Variants in PDE4C observed in about 807,000 individuals in gnomAD.
PDE4C encodes the protein phosphodiesterase 4C.
In PDE4C, 50 loss-of-function variants were observed where a neutral mutation model predicts 63.9. The observed-to-expected ratio is 0.78, with a 90% CI of 0.62 to 0.99. The LOEUF (loss-of-function observed/expected upper bound fraction) is 0.99. Among genes scored for constraint, PDE4C ranks in the 50% least tolerant of loss-of-function variants. The pLI, the probability that PDE4C is intolerant of heterozygous loss-of-function variation, is 0.00. For missense variants in PDE4C, 777 were observed against 899.1 expected (o/e 0.86, Z 1.74); for synonymous variants, 377 against 385.1 (o/e 0.98, Z 0.25).
In PDE4C at chr19:18,213,348, G is replaced by C; in HGVS notation, c.1512+20C>G. 1.2e-6 allele frequency: 2 copies of C among 1,605,806 alleles called. No homozygotes were observed. Among genetic ancestry groups the C allele is most frequent in the Non-Finnish European group, 1.7e-6 (2 of 1,175,756 alleles). On this transcript the variant is annotated intron_variant, in intron 13 of 14. Coordinates refer to ENST00000262805, the Ensembl canonical transcript of PDE4C. Reference sequence around the variant, plus strand: ...ACCAAAATTTAAAAAGGAAGCCCCAGTGCCCATCCAGCTACACACCTGGAT... The same window carrying C: ...ACCAAAATTTAAAAAGGAAGCCCCACTGCCCATCCAGCTACACACCTGGAT...
upstream of PDE4C, chr19:18,249,826 G>T: frequency 3.6e-6 from 1 of 281,346 alleles, no homozygotes; most frequent in Non-Finnish European, 6.6e-6. Context: ...GCCCGCCTTG[G>T]CCTCCCAAAG....
the PDE4C span, chr19:18,255,231 G>A: frequency 2.5e-6 from 1 of 399,062 alleles, no homozygotes; most frequent in Non-Finnish European, 4.4e-6. This position sits in a 1 kb window ranked among gnomAD's most constrained non-coding sequence, Gnocchi z 4.6. Flanking sequence ...TGTAAAGGGA[G>A]TATTGTAATT....
At chr19:18,245,623 G>C (rs900286426) in intron 1 of PDE4C, among the ~76,000 whole-genome samples, 1 of 152,054 alleles carries the variant, frequency 6.6e-6, no homozygotes, top group Non-Finnish European at 1.5e-5. Context: ...TGCCCAGCTC[G>C]AGCAGTCTCA....
chr19:18,233,758 AC>A, upstream of PDE4C: 1 of 325,976 alleles, frequency 3.1e-6, no homozygotes, highest in Non-Finnish European at 6.0e-6. Flanking sequence ...GTTCAGGTGC[AC>A]CCCCAGACCA....
At chr19:18,224,150 C>G (rs1968617288) in intron 1 of PDE4C, 1 of 957,174 alleles carries the variant, frequency 1.0e-6, no homozygotes, top group African/African-American at 1.8e-5. Context: ...CAAACCCTGT[C>G]TTTCCCTCTG....
At chr19:18,218,040 A>G in intron 11 of PDE4C, 109 bp downstream of exon 11, 2 of 806,482 alleles carry the variant, frequency 2.5e-6, no homozygotes, top group Non-Finnish European at 4.2e-6. Context: ...CATTTCATAG[A>G]CAGGGAGACT....
At chr19:18,245,401 G>A (rs1249604522) in intron 1 of PDE4C, among the ~76,000 whole-genome samples, 1 of 151,152 alleles carries the variant, frequency 6.6e-6, no homozygotes, top group Admixed American at 6.6e-5. Context: ...CTGTCCTCAA[G>A]TGATCCACCT....
At chr19:18,229,380 A>G (rs1968803302), upstream of PDE4C, among the ~76,000 whole-genome samples, 1 of 152,256 alleles carries the variant, frequency 6.6e-6, no homozygotes, top group Non-Finnish European at 1.5e-5. Context: ...AGCTGGGATT[A>G]CAGGCATCTG....
intron 1 of PDE4C, among the ~76,000 whole-genome samples, chr19:18,224,855 G>T (rs1968658914): frequency 6.6e-6 from 1 of 152,238 alleles, no homozygotes; most frequent in Admixed American, 6.5e-5. Context: ...AATGGGAGAC[G>T]CTCTTAGGGG....
exon 4 of PDE4C, chr19:18,221,138 G>T (rs745653185): frequency 6.3e-7 from 1 of 1,590,600 alleles, no homozygotes; most frequent in South Asian, 1.1e-5. Flanking sequence ...GCGGGCAAGG[G>T]CCGCCACGTT....
chr19:18,240,503 G>A (rs2148065528), intron 1 of PDE4C, among the ~76,000 whole-genome samples: 1 of 151,648 alleles, frequency 6.6e-6, no homozygotes, highest in Admixed American at 6.6e-5. Flanking sequence ...CGAGGTGGAT[G>A]GATCACAAGA....
chr19:18,223,300 T>A (rs1476203407), intron 1 of PDE4C, among the ~76,000 whole-genome samples: 4 of 149,670 alleles, frequency 2.7e-5, no homozygotes, highest in African/African-American at 9.9e-5. Context: ...AACCTCCGCC[T>A]CCCAGGTTCA....
In PDE4C at chr19:18,241,793, A is replaced by G. The variant is rs571694533; in HGVS notation, c.-210+6378T>C. 6.9e-4 allele frequency among the ~76,000 whole-genome samples: 103 copies of G among 150,110 alleles called. 1 individual carries two copies. Among genetic ancestry groups the G allele is most frequent in the South Asian group, 5.3e-3 (25 of 4,694 alleles). The stretch of plus-strand genomic sequence containing the variant: ...TTGAAATCCTGGGCTCAAGCGATCC[A>G]CAAACCTCAGCCTCCCAAAGTGCTG... On this transcript the variant is annotated intron_variant, in intron 1 of 15. Transcript: ENST00000594617.
intron 1 of PDE4C, among the ~76,000 whole-genome samples, chr19:18,244,321 G>A (rs375177311): frequency 1.2e-4 from 18 of 150,946 alleles, no homozygotes; most frequent in African/African-American, 3.7e-4. Flanking sequence ...TTGAGACGAC[G>A]TCTCACTCTG....
the PDE4C span, among the ~76,000 whole-genome samples, chr19:18,253,487 G>T: frequency 2.0e-5 from 3 of 151,640 alleles, no homozygotes; most frequent in Non-Finnish European, 4.4e-5. Flanking sequence ...GGAGTTCAAG[G>T]CTGCAGTAAG....
exon 2 of PDE4C, chr19:18,222,161 C>T (rs1311528388): frequency 3.1e-6 from 5 of 1,613,636 alleles, no homozygotes; most frequent in Non-Finnish European, 4.2e-6. Context: ...AGTTCCGAGA[C>T]ATGGCCTTGG....
chr19:18,236,147 G>A (rs1484307283), upstream of PDE4C, among the ~76,000 whole-genome samples: 1 of 151,968 alleles, frequency 6.6e-6, no homozygotes, highest in African/African-American at 2.4e-5. Context: ...GTTTCACCAT[G>A]TTAGCCAGGA....
chr19:18,221,020 G>A, intron 4 of PDE4C, 85 bp downstream of exon 4: 4 of 1,297,112 alleles, frequency 3.1e-6, no homozygotes, highest in Middle Eastern at 2.7e-4. Flanking sequence ...GGAGGCGCCG[G>A]AGCCCCAGCC....
At position 18,221,252 on chromosome 19, in the gene PDE4C, G is replaced by C. The variant is rs779959743; in HGVS notation, c.375+9C>G. On this transcript the variant is annotated intron_variant, in intron 3 of 14. Coordinates refer to ENST00000262805, the Ensembl canonical transcript of PDE4C. The stretch of plus-strand genomic sequence containing the variant: ...GGGGGTCAGGGCAGGGAGGGCGGGG[G>C]ACACCCACCTGGGCAAAGGGCGTCA... 6.5e-7 allele frequency: 1 copy of C among 1,547,320 alleles called. No individual in the cohort carries two copies. Among genetic ancestry groups the C allele is most frequent in the Admixed American group, 2.4e-5 (1 of 41,570 alleles).
Sources: allele counts gnomAD v4.1 joint callset (sites outside exome capture counted in the v4.1 genomes callset), GRCh38; gene constraint gnomAD v4.1.1; non-coding constraint Gnocchi (gnomAD v3.1); transcripts MANE v1.5; gene names NCBI Gene and HGNC (gene_info 2026-07-23, HGNC 2026-07-21).